The following PUS10 variants were observed in gnomAD, a reference collection of about 807,000 sequenced individuals.
PUS10 encodes the protein tRNA pseudouridine synthase Pus10.
In PUS10, 59 loss-of-function variants were observed where a neutral mutation model predicts 75.0. That is an observed-to-expected ratio of 0.79 (90% confidence interval 0.64 to 0.98). The LOEUF is 0.98. Ranked by LOEUF, PUS10 falls within the 50% of genes least tolerant of loss-of-function variation. The pLI is 0.00. For synonymous variants in PUS10, 219 were observed against 211.6 expected (o/e 1.03, Z -0.30); for missense variants, 650 against 614.4 (o/e 1.06, Z -0.61).
At chr2:61,014,247 G>A (rs977384235) in intron 1 of PUS10, among the ~76,000 whole-genome samples, 6 of 152,054 alleles carry the variant, frequency 3.9e-5, no homozygotes, top group East Asian at 3.9e-4. Context: ...GTGTGTTGGC[G>A]TGTGCCTATA....
At chr2:60,944,043 G>A (rs770599839) in intron 17 of PUS10, among the ~76,000 whole-genome samples, 48 of 151,874 alleles carry the variant, frequency 3.2e-4, no homozygotes, top group Non-Finnish European at 4.1e-4. Context: ...GCAGGGGATC[G>A]CTTGAGCCCG....
intron 2 of PUS10, 126 bp from the exon 3 acceptor site, chr2:61,009,141 A>C: frequency 1.3e-6 from 1 of 799,222 alleles, no homozygotes; most frequent in Non-Finnish European, 1.9e-6. Context: ...ATGTTGACAT[A>C]TCAATTCTGA....
chr2:60,960,940 A>G (rs1260197026), intron 10 of PUS10, among the ~76,000 whole-genome samples: 3 of 151,964 alleles, frequency 2.0e-5, no homozygotes, highest in Non-Finnish European at 4.4e-5. Context: ...AGGATAGGAT[A>G]TTATAGTCAA....
Position 60,940,676 on chromosome 2 carries a change from G to C in PUS10, c.*1719C>G, listed in dbSNP as rs1674585117. 6.6e-6 allele frequency: 1 copy of C among 152,110 alleles called. No individual in the cohort carries two copies. Among genetic ancestry groups the C allele is most frequent in the Non-Finnish European group, 1.5e-5 (1 of 67,956 alleles). 9.4% of individuals were successfully genotyped at this position (152,110 alleles called of 1,614,324 possible). On this transcript the variant is annotated 3_prime_UTR_variant, in exon 18 of 18. Transcript: ENST00000316752. ...ACATTCTTCATTCTTACATATTACAGGTCCACTAGATTCAAAGGTAAGCCA... is the reference window on the plus strand; with the variant it reads ...ACATTCTTCATTCTTACATATTACACGTCCACTAGATTCAAAGGTAAGCCA...
chr2:60,953,149 TAAAC>T (rs753994146), intron 14 of PUS10, 35 bp from the exon 15 acceptor site: 12 of 1,171,390 alleles, frequency 1.0e-5, no homozygotes, highest in Non-Finnish European at 1.5e-5. Context: ...TTTGTCCAAA[TAAAC>T]AAAATACAAA....
intron 4 of PUS10, among the ~76,000 whole-genome samples, chr2:61,002,188 A>G (rs1257548079): frequency 6.6e-6 from 1 of 152,190 alleles, no homozygotes; most frequent in East Asian, 1.9e-4. Flanking sequence ...ATCTCTGGGA[A>G]TGGGACCTGG....
chr2:60,960,357 AAAAG>A (rs759902444), intron 11 of PUS10, 31 bp downstream of exon 11: 3 of 1,464,100 alleles, frequency 2.0e-6, no homozygotes, highest in African/African-American at 2.9e-5. Flanking sequence ...AAAAAAAAAA[AAAAG>A]AAAGAAAAGT....
intron 4 of PUS10, among the ~76,000 whole-genome samples, chr2:60,981,501 T>G (rs1290380114): frequency 2.0e-5 from 3 of 148,436 alleles, no homozygotes; most frequent in Admixed American, 1.3e-4. Flanking sequence ...AGGCTAGTCT[T>G]GAACTCCTGA....
At position 60,940,942 on chromosome 2, in the gene PUS10, C is replaced by CA. The variant is rs1674598344; in HGVS notation, c.*1452_*1453insT. ...TGGTATGAAACTATGTTGGTTCCAACGTGGCTGACTCCTTTGTGTCCATTA... is the reference window on the plus strand; with the variant it reads ...TGGTATGAAACTATGTTGGTTCCAACAGTGGCTGACTCCTTTGTGTCCATTA... On this transcript the variant is annotated 3_prime_UTR_variant, in exon 18 of 18. Coordinates refer to ENST00000316752, the MANE Select transcript of PUS10 (RefSeq NM_144709.4). The CA allele has an allele frequency of 6.6e-6, 1 of 152,294 alleles. No individual in the cohort carries two copies. Among genetic ancestry groups the CA allele is most frequent in the Non-Finnish European group, 1.5e-5 (1 of 68,006 alleles). 9.4% of individuals were successfully genotyped at this position (152,294 alleles called of 1,614,324 possible). A position where few individuals can be genotyped will look rare whatever the true frequency, so the allele number is the denominator to read the frequency against.
intron 4 of PUS10, among the ~76,000 whole-genome samples, chr2:60,992,084 T>C (rs1350966859): frequency 2.0e-5 from 3 of 151,848 alleles, no homozygotes; most frequent in East Asian, 1.9e-4. Flanking sequence ...CGATCTCAGC[T>C]AACTGCAACC....
At chr2:60,979,102 A>AACACATACACATACACATACACAT (rs61436873) in intron 4 of PUS10, among the ~76,000 whole-genome samples, 19 of 149,420 alleles carry the variant, frequency 1.3e-4, no homozygotes, top group Middle Eastern at 3.4e-3. Context: ...CTCTTCTCCC[A>AACACATACACATACACATACACAT]ACACATACAC....
intron 4 of PUS10, among the ~76,000 whole-genome samples, chr2:60,991,893 A>G (rs1012814531): frequency 4.6e-5 from 7 of 152,198 alleles, no homozygotes; most frequent in Non-Finnish European, 7.3e-5. Flanking sequence ...ATGACCTCCA[A>G]TTTAACGTGG....
chr2:60,998,596 G>A (rs928345912), intron 4 of PUS10, among the ~76,000 whole-genome samples: 1 of 151,968 alleles, frequency 6.6e-6, no homozygotes, highest in East Asian at 1.9e-4. Context: ...AGGCTGAAGC[G>A]GGAGAATCGC....
chr2:60,967,080 T>C (rs755217369), intron 6 of PUS10: 1 of 166,766 alleles, frequency 6.0e-6, no homozygotes, highest in Non-Finnish European at 1.3e-5. Flanking sequence ...ATTGAGCCCA[T>C]ACTCATTGTA....
At chr2:61,007,221 T>G (rs1386524961) in intron 3 of PUS10, among the ~76,000 whole-genome samples, 1 of 151,494 alleles carries the variant, frequency 6.6e-6, no homozygotes. Context: ...TTTTGTTTTT[T>G]TTTTTTTAAA....
At chr2:60,988,760 C>T (rs1272877464) in intron 4 of PUS10, among the ~76,000 whole-genome samples, 2 of 151,738 alleles carry the variant, frequency 1.3e-5, no homozygotes, top group Non-Finnish European at 2.9e-5. Flanking sequence ...CTCAGCCTCC[C>T]GAATAGCTGG....
At chr2:61,000,007 A>C (rs1678748585) in intron 4 of PUS10, among the ~76,000 whole-genome samples, 1 of 152,162 alleles carries the variant, frequency 6.6e-6, no homozygotes. Flanking sequence ...TGAGAAACTT[A>C]AGCATCTGTG....
intron 4 of PUS10, among the ~76,000 whole-genome samples, chr2:61,001,032 G>A (rs971860207): frequency 6.6e-6 from 1 of 152,046 alleles, no homozygotes; most frequent in Non-Finnish European, 1.5e-5. Context: ...ACCTCTTTTC[G>A]GCAGGAAGAT....
rs1558847689 is a variant in PUS10 at position 60,942,372 on chromosome 2, C to CTCT, written c.*20_*22dup. 6.2e-7 allele frequency: 1 copy of CTCT among 1,609,004 alleles called. No homozygotes were observed. The highest frequency in any genetic ancestry group is 2.2e-5 in the East Asian group (1 of 44,836). ...TCCACATCATGCCAGGAAAACCATA[C>CTCT]TCTTTGTCTCCAAATTTGAAAGCTA... is the stretch of plus-strand genomic sequence containing the variant. On this transcript the variant is annotated 3_prime_UTR_variant, in exon 18 of 18. Coordinates refer to ENST00000316752, the MANE Select transcript of PUS10 (RefSeq NM_144709.4).
Sources: gnomAD v4.1 joint callset for allele counts (sites outside exome capture counted in the v4.1 genomes callset) on GRCh38, gnomAD v4.1.1 for gene constraint, MANE v1.5 for transcripts, NCBI Gene and HGNC (gene_info 2026-07-23, HGNC 2026-07-21) for gene names.